Variants in MAP3K3 observed in about 807,000 individuals in gnomAD.
MAP3K3 encodes MAP/ERK kinase kinase 3.
In MAP3K3, 12 loss-of-function variants were observed where a neutral mutation model predicts 80.9. That is an observed-to-expected ratio of 0.15 (90% CI 0.10 to 0.24). MAP3K3 has a LOEUF of 0.24. Ranked by LOEUF, MAP3K3 falls within the 10% of genes least tolerant of loss-of-function variation. The pLI is 1.00. For missense variants in MAP3K3, 596 were observed against 834.7 expected, an observed-to-expected ratio of 0.71 and a Z score of 3.52; for synonymous variants, 272 against 307.1, an observed-to-expected ratio of 0.89 and a Z score of 1.19.
At chr17:63,659,146 A>T (rs568352233) in intron 5 of MAP3K3, among the ~76,000 whole-genome samples, 1 of 152,326 alleles carries the variant, frequency 6.6e-6, no homozygotes, top group South Asian at 2.1e-4. Context: ...TGCTGGGATT[A>T]CAAGTGTGAG....
intron 1 of MAP3K3, among the ~76,000 whole-genome samples, chr17:63,629,918 A>G (rs2034181563): frequency 6.6e-6 from 1 of 152,234 alleles, no homozygotes; most frequent in African/African-American, 2.4e-5. Context: ...CTTATACAGA[A>G]TTAGAAATGA....
intron 11 of MAP3K3, chr17:63,690,063 C>T: frequency 1.6e-6 from 1 of 621,810 alleles, no homozygotes; most frequent in Admixed American, 3.0e-5. Context: ...TCAGCCAATC[C>T]TCTGCTTCTT....
chr17:63,622,644 G>A lies in MAP3K3; in HGVS notation c.-116G>A, dbSNP rs952112394. ...GGCGGGGGCCCAGAGCGCAGCCCGC[G>A]CCCCCCGCGCGGAGCCAGGCCCGCT... On this transcript the variant is annotated 5_prime_UTR_variant, in exon 1 of 16. Transcript: ENST00000361733. The A allele has an allele frequency of 1.1e-3, 237 of 216,426 alleles. 1 individual carries two copies. Among genetic ancestry groups the A allele is most frequent in the Non-Finnish European group, 1.2e-3 (136 of 113,126 alleles). 13.4% of individuals were successfully genotyped at this position (216,426 alleles called of 1,614,324 possible). A position where few individuals can be genotyped will look rare whatever the true frequency, so the allele number is the denominator to read the frequency against.
intron 2 of MAP3K3, among the ~76,000 whole-genome samples, chr17:63,635,047 C>T (rs2143199553): frequency 1.3e-5 from 2 of 152,318 alleles, no homozygotes; most frequent in South Asian, 4.1e-4. Context: ...TCTCTGCTGT[C>T]CAATGTGGTT....
Position 63,688,554 on chromosome 17 carries a change from C to G in MAP3K3, c.738C>G (p.Ser246=), listed in dbSNP as rs1449823215. Reference sequence around the variant, plus strand: ...CATCCTTCCGGAAATCACGAATGTCCCGTGCCCAGAGCTTCCCTGACAACA... The same window carrying G: ...CATCCTTCCGGAAATCACGAATGTCGCGTGCCCAGAGCTTCCCTGACAACA... ...DSPSFRKSRM[S]RAQSFPDNRQ... is the part of the protein sequence containing the mutation. Residue 246 remains serine (S), a synonymous_variant, in exon 9 of 16, where the codon TCC becomes TCG. Transcript: ENST00000361733. 1 of 1,614,060 alleles carries G rather than the reference C, an allele frequency of 6.2e-7. No individual in the cohort carries two copies.
At position 63,657,876 on chromosome 17, in the gene MAP3K3, G is replaced by A. The variant is rs1404085613; in HGVS notation, c.350G>A (p.Arg117Lys). 1 of 1,604,794 alleles carries A rather than the reference G, an allele frequency of 6.2e-7. No individual in the cohort carries two copies. The highest frequency in any genetic ancestry group is 8.5e-7 in the Non-Finnish European group (1 of 1,173,500). ...LDRSSSMKSL[R>K]ILLLSQDRNH... ...AGAAGCTCAAGCATGAAAAGCCTTAGGATATTGCTGTTGTCCCAGGACAGA... is the reference window on the plus strand; with the variant it reads ...AGAAGCTCAAGCATGAAAAGCCTTAAGATATTGCTGTTGTCCCAGGACAGA... The change falls in exon 5 of 16, where the codon AGG becomes AAG. Residue 117 changes from arginine to lysine, a missense_variant. Transcript: ENST00000361733.
chr17:63,678,343 T>G (rs534705593), intron 6 of MAP3K3, among the ~76,000 whole-genome samples: 1 of 152,350 alleles, frequency 6.6e-6, no homozygotes, highest in Admixed American at 6.5e-5. Flanking sequence ...TAGTTTCTGT[T>G]AGGACTTAGA....
intron 6 of MAP3K3, among the ~76,000 whole-genome samples, chr17:63,673,681 C>T (rs1173411711): frequency 6.6e-6 from 1 of 151,994 alleles, no homozygotes; most frequent in Non-Finnish European, 1.5e-5. Context: ...GAGGCCAAGG[C>T]GGGCAAATCA....
chr17:63,650,676 GAGAGAGAGAGAGAGAGAGAGTT>G (rs1350090939), intron 3 of MAP3K3, among the ~76,000 whole-genome samples: 3 of 147,868 alleles, frequency 2.0e-5, no homozygotes, highest in African/African-American at 7.8e-5. Flanking sequence ...GAGAGAGAGA[GAGAGAGAGAGAGAGAGAGAGTT>G]TTTTTTTTTT....
At chr17:63,660,569 T>TTCC (rs1181634825) in intron 5 of MAP3K3, among the ~76,000 whole-genome samples, 4 of 146,684 alleles carry the variant, frequency 2.7e-5, no homozygotes, top group Non-Finnish European at 4.4e-5. Flanking sequence ...CTTTGGATTC[T>TTCC]TCTTCTTCTT....
chr17:63,625,504 T>G (rs1323926306), intron 1 of MAP3K3, among the ~76,000 whole-genome samples: 1 of 152,196 alleles, frequency 6.6e-6, no homozygotes, highest in Non-Finnish European at 1.5e-5. Context: ...TACAGGAAAC[T>G]ATAGTGAATG....
rs1449318579 is a variant in MAP3K3, at chr17:63,695,666, A to G, written c.*1889A>G. The G allele has an allele frequency of 6.6e-6, 1 of 152,492 alleles. No individual in the cohort carries two copies. Among genetic ancestry groups the G allele is most frequent in the African/African-American group, 2.4e-5 (1 of 41,384 alleles). 9.4% of individuals were successfully genotyped at this position (152,492 alleles called of 1,614,324 possible). A position where few individuals can be genotyped will look rare whatever the true frequency, so the allele number is the denominator to read the frequency against. ...CTTCCTGGCCCGCACCCCCATCCCC[A>G]GTCCCTGTTCCCCAAGAGGATACAG... On this transcript the variant is annotated 3_prime_UTR_variant, in exon 16 of 16. Transcript: ENST00000361733. The surrounding 1 kb of genome is among the most constrained non-coding windows in gnomAD (Gnocchi z 4.1).
At chr17:63,664,702 A>G (rs182609235) in intron 5 of MAP3K3, among the ~76,000 whole-genome samples, 33 of 152,234 alleles carry the variant, frequency 2.2e-4, no homozygotes, top group African/African-American at 7.9e-4. Context: ...GAATGATCAA[A>G]CACCATCTTC....
Position 63,689,983 on chromosome 17 carries a change from A to G in MAP3K3, c.1063+248A>G, listed in dbSNP as rs376767672. ...GAAGAGCACACCCTTCATCCCTGCC[A>G]TATTAAGATATTTAGGGGCTTTGGA... On this transcript the variant is annotated intron_variant, in intron 11 of 15. Transcript: ENST00000361733. The surrounding 1 kb of genome is among the most constrained non-coding windows in gnomAD (Gnocchi z 4.3). 7 of 578,852 alleles carry G rather than the reference A, an allele frequency of 1.2e-5. 1 individual carries two copies. In the East Asian group the frequency reaches 1.4e-4, roughly 12 times the overall value. 35.9% of individuals were successfully genotyped at this position (578,852 alleles called of 1,614,324 possible). A position where few individuals can be genotyped will look rare whatever the true frequency, so the allele number is the denominator to read the frequency against.
In MAP3K3 at chr17:63,693,945, G is replaced by T; in HGVS notation, c.*168G>T. 1.7e-6 allele frequency: 1 copy of T among 579,508 alleles called. No homozygotes were observed. The highest frequency in any genetic ancestry group is 2.9e-6 in the Non-Finnish European group (1 of 340,542). The allele number at this position is 579,508 out of a possible 1,614,324, so 35.9% of individuals were successfully genotyped here. A position where few individuals can be genotyped will look rare whatever the true frequency, so the allele number is the denominator to read the frequency against. Reference sequence around the variant, plus strand: ...CGCCACTGGGGCTCAGAGCCGGGGTGGGGTGGCTGCAGCCTCAGGACTGGG... The same window carrying T: ...CGCCACTGGGGCTCAGAGCCGGGGTTGGGTGGCTGCAGCCTCAGGACTGGG... On this transcript the variant is annotated 3_prime_UTR_variant, in exon 16 of 16. Coordinates refer to ENST00000361733, the MANE Select transcript of MAP3K3 (RefSeq NM_002401.5). The surrounding 1 kb of genome is among the most constrained non-coding windows in gnomAD (Gnocchi z 4.2).
chr17:63,635,219 G>A (rs1377356549), intron 2 of MAP3K3, among the ~76,000 whole-genome samples: 2 of 152,208 alleles, frequency 1.3e-5, no homozygotes, highest in East Asian at 3.8e-4. Context: ...TATTGGGCAA[G>A]AAATTATGTA....
chr17:63,651,295 G>T (rs181700629), intron 3 of MAP3K3, among the ~76,000 whole-genome samples: 207 of 152,184 alleles, frequency 1.4e-3, no homozygotes, highest in South Asian at 3.9e-3. Context: ...ATCAGCCTGG[G>T]CAACTTATTG....
At position 63,689,026 on chromosome 17, in the gene MAP3K3, A is replaced by AAAAAAC. The variant is rs1032676618; in HGVS notation, c.871+159_871+164dup. ...CAGACTTGAGGCATGGGAGACAGGA[A>AAAAAAC]AAAAACAAAAACAAAAACAGGGAAG... On this transcript the variant is annotated intron_variant, in intron 10 of 15. Coordinates refer to ENST00000361733, the MANE Select transcript of MAP3K3 (RefSeq NM_002401.5). The surrounding 1 kb of genome is among the most constrained non-coding windows in gnomAD (Gnocchi z 4.3). 3 of 632,124 alleles carry AAAAAAC rather than the reference A, an allele frequency of 4.7e-6. No homozygotes were observed. The highest frequency in any genetic ancestry group is 2.9e-5 in the Admixed American group (1 of 35,064). 39.2% of individuals were successfully genotyped at this position (632,124 alleles called of 1,614,324 possible). A position where few individuals can be genotyped will look rare whatever the true frequency, so the allele number is the denominator to read the frequency against.
rs113150949 is a variant in MAP3K3, at chr17:63,633,839, G to C, written c.126+1037G>C. On this transcript the variant is annotated intron_variant, in intron 2 of 15. Transcript: ENST00000361733. ...GTATGACATTCTCCCTTTTGGTTCT[G>C]TTTGTTATCAGCTAACCTCCTTTCT... Among the ~76,000 whole-genome samples the C allele has an allele frequency of 7.0e-3, 1,060 of 152,276 alleles. 10 individuals carry two copies. The highest frequency in any genetic ancestry group is 0.023 in the African/African-American group (975 of 41,546).
Sources: allele counts gnomAD v4.1 joint callset (sites outside exome capture counted in the v4.1 genomes callset), GRCh38; gene constraint gnomAD v4.1.1; non-coding constraint Gnocchi (gnomAD v3.1); transcripts MANE v1.5; gene names NCBI Gene and HGNC (gene_info 2026-07-23, HGNC 2026-07-21).